AKR1C4: variants seen among roughly 807,000 people sequenced by gnomAD.
AKR1C4 encodes aldo-keto reductase family 1 member C4, also known as 3-alpha-HSD1.
A neutral mutation model predicts 41.0 loss-of-function variants in AKR1C4; 44 were observed. That is an observed-to-expected ratio of 1.07 (90% CI 0.84 to 1.38). The LOEUF is 1.38. AKR1C4 is among the 40% of genes most tolerant of loss of function. The pLI, the probability that AKR1C4 is intolerant of heterozygous loss-of-function variation, is 0.00. For synonymous variants in AKR1C4, 165 were observed against 137.7 expected (o/e 1.20, Z -1.39); for missense variants, 438 against 387.9 (o/e 1.13, Z -1.09).
At chr10:5,207,069 AAAACGGGAG>A (rs1832501032) in intron 5 of AKR1C4, 1 of 154,494 alleles carries the variant, frequency 6.5e-6, no homozygotes, top group Admixed American at 6.5e-5. Context: ...CCCAGACTCC[AAAACGGGAG>A]TCTTATAGCT....
At chr10:5,200,102 G>A (rs1832374211) in intron 1 of AKR1C4, 79 bp from the exon 2 acceptor site, 5 of 1,542,022 alleles carry the variant, frequency 3.2e-6, no homozygotes, top group Non-Finnish European at 4.4e-6. Flanking sequence ...CACACCCTGT[G>A]AGGACAAGGG....
At chr10:5,200,447 C>G in intron 2 of AKR1C4, 99 bp downstream of exon 2, 2 of 1,491,072 alleles carry the variant, frequency 1.3e-6, no homozygotes, top group Non-Finnish European at 1.8e-6. Context: ...GTGAATTGTG[C>G]TTATTAGTTC....
At chr10:5,216,258 G>A (rs750339194) in intron 7 of AKR1C4, among the ~76,000 whole-genome samples, 5 of 152,148 alleles carry the variant, frequency 3.3e-5, no homozygotes, top group Non-Finnish European at 5.9e-5. Context: ...CCATTCATGA[G>A]GGATGCCCCC....
At chr10:5,205,618 G>C (rs1832471640) in intron 3 of AKR1C4, 139 bp from the exon 4 acceptor site, 1 of 568,136 alleles carries the variant, frequency 1.8e-6, no homozygotes, top group Non-Finnish European at 3.0e-6. Context: ...CTCTGTACGT[G>C]AAACACTTGG....
intron 7 of AKR1C4, among the ~76,000 whole-genome samples, chr10:5,216,274 A>C (rs2132141787): frequency 6.6e-6 from 1 of 152,370 alleles, no homozygotes; most frequent in African/African-American, 2.4e-5. Flanking sequence ...CCCCCAGGGC[A>C]CAAACACCTC....
intron 1 of AKR1C4, among the ~76,000 whole-genome samples, chr10:5,199,528 G>C (rs181068068): frequency 6.6e-6 from 1 of 152,070 alleles, no homozygotes; most frequent in Non-Finnish European, 1.5e-5. Flanking sequence ...AGACAGAACC[G>C]GGTGGACTTT....
intron 5 of AKR1C4, among the ~76,000 whole-genome samples, chr10:5,210,479 C>T (rs950368064): frequency 6.6e-6 from 1 of 152,230 alleles, no homozygotes; most frequent in African/African-American, 2.4e-5. Flanking sequence ...GCTCTGACCC[C>T]AGAGCACTGC....
At chr10:5,212,100 T>C (rs1050617592) in intron 5 of AKR1C4, among the ~76,000 whole-genome samples, 6 of 152,206 alleles carry the variant, frequency 3.9e-5, no homozygotes, top group Admixed American at 3.3e-4. Context: ...TGAATCACCA[T>C]TGGTGAAGGC....
At position 5,212,817 on chromosome 10, in the gene AKR1C4, T is replaced by A. The variant is rs1420350119; in HGVS notation, c.680+92T>A. 56 of 1,442,176 alleles carry A rather than the reference T, an allele frequency of 3.9e-5. No homozygotes were observed. In the South Asian group the frequency reaches 6.9e-4, roughly 18 times the overall value. 89.3% of individuals were successfully genotyped at this position (1,442,176 alleles called of 1,614,324 possible). ...TCAGTCTCCTAGAGTTCATTCTCAA[T>A]GGGTCAGGGTAAGGGGATAATTTGC... On this transcript the variant is annotated intron_variant, in intron 6 of 8. Transcript: ENST00000263126.
At chr10:5,217,223 G>A (rs893367547) in intron 8 of AKR1C4, among the ~76,000 whole-genome samples, 2 of 152,110 alleles carry the variant, frequency 1.3e-5, no homozygotes, top group African/African-American at 2.4e-5. Context: ...CAACACTGGT[G>A]TCCATGCCAG....
intron 5 of AKR1C4, 144 bp downstream of exon 5, chr10:5,206,541 A>G (rs1832490672): frequency 2.1e-6 from 3 of 1,448,022 alleles, no homozygotes; most frequent in Non-Finnish European, 9.3e-7. Flanking sequence ...AGAAAACGGA[A>G]GACCCTTAAT....
At position 5,216,783 on chromosome 10, in the gene AKR1C4, G is replaced by A. The variant is rs782676546; in HGVS notation, c.919G>A (p.Val307Ile). 5.0e-6 allele frequency: 8 copies of A among 1,607,662 alleles called. No homozygotes were observed. Among genetic ancestry groups the A allele is most frequent in the Non-Finnish European group, 6.8e-6 (8 of 1,175,828 alleles). The change falls in exon 8 of 9, where the codon GTC (valine) becomes ATC (isoleucine). Residue 307 changes from valine (V) to isoleucine (I), a missense_variant. Transcript: ENST00000263126. Reference protein sequence around the residue: ...DGLNRNYRYVVMDFLMDHPDY... With the variant: ...DGLNRNYRYVIMDFLMDHPDY... ...TCTAAACAGAAATTATCGATATGTTGTCATGGATTTGTAAGTAACTTTGGA... is the reference window on the plus strand; with the variant it reads ...TCTAAACAGAAATTATCGATATGTTATCATGGATTTGTAAGTAACTTTGGA...
chr10:5,206,263 C>T lies in AKR1C4; in HGVS notation c.448-12C>T. 2 of 1,613,986 alleles carry T rather than the reference C, an allele frequency of 1.2e-6. No individual in the cohort carries two copies. The highest frequency in any genetic ancestry group is 1.7e-6 in the Non-Finnish European group (2 of 1,179,908). On this transcript the variant is annotated splice_polypyrimidine_tract_variant and intron_variant, in intron 4 of 8. Coordinates refer to ENST00000263126, the MANE Select transcript of AKR1C4 (RefSeq NM_001818.5). ...CTGCACAAATAATTCCTCACAACCC[C>T]TTTCTCCCCAGGTCATGGAGAAGTG...
At chr10:5,205,921 G>A (rs1456243046) in intron 4 of AKR1C4, 87 bp downstream of exon 4, 19 of 1,325,092 alleles carry the variant, frequency 1.4e-5, no homozygotes, top group South Asian at 1.3e-4. Context: ...ATTGGAATAT[G>A]CACCATTGGA....
chr10:5,198,312 C>T (rs1348010191), intron 1 of AKR1C4, among the ~76,000 whole-genome samples: 4 of 152,168 alleles, frequency 2.6e-5, no homozygotes, highest in Admixed American at 2.6e-4. Context: ...AATAGACTGC[C>T]ACCCGTAGAT....
At chr10:5,210,796 G>C (rs1417155531) in intron 5 of AKR1C4, among the ~76,000 whole-genome samples, 2 of 152,132 alleles carry the variant, frequency 1.3e-5, no homozygotes, top group Admixed American at 6.5e-5. Context: ...ATCTTTAGTA[G>C]AGACAGGGTT....
intron 7 of AKR1C4, 84 bp from the exon 8 acceptor site, chr10:5,216,623 CCTCT>C: frequency 1.1e-6 from 1 of 887,508 alleles, no homozygotes; most frequent in Non-Finnish European, 1.8e-6. Context: ...TTACATATTG[CCTCT>C]ACACCCTACT....
intron 5 of AKR1C4, among the ~76,000 whole-genome samples, 158 bp from the exon 6 acceptor site, chr10:5,212,458 A>T (rs1934754900): frequency 1.3e-5 from 2 of 152,228 alleles, no homozygotes; most frequent in African/African-American, 4.8e-5. Flanking sequence ...ATATACTTTT[A>T]GACCAGTAAT....
intron 1 of AKR1C4, among the ~76,000 whole-genome samples, chr10:5,198,645 C>G (rs1323634608): frequency 6.6e-6 from 1 of 152,132 alleles, no homozygotes; most frequent in African/African-American, 2.4e-5. Flanking sequence ...ATCATAGGAA[C>G]TTACACCGTA....
Sources: allele counts gnomAD v4.1 joint callset (sites outside exome capture counted in the v4.1 genomes callset), GRCh38; gene constraint gnomAD v4.1.1; transcripts MANE v1.5; gene names NCBI Gene and HGNC (gene_info 2026-07-23, HGNC 2026-07-21).